SVEP1: variants seen among roughly 807,000 people sequenced by gnomAD.
SVEP1 encodes sushi, von Willebrand factor type A, EGF and pentraxin domain containing 1, also known as sushi, von Willebrand factor type A, EGF and pentraxin domain-containing protein 1.
A neutral mutation model predicts 367.3 loss-of-function variants in SVEP1; 164 were observed. The observed-to-expected ratio is 0.45, with a 90% CI of 0.39 to 0.51. The LOEUF (loss-of-function observed/expected upper bound fraction) is 0.51, where lower values mean the gene tolerates loss of function less well. SVEP1 is among the 20% of genes least tolerant of loss of function. The pLI is 0.00. For synonymous variants in SVEP1, 1,666 were observed against 1,611.6 expected (o/e 1.03, Z -0.81); for missense variants, 4,117 against 4,425.3 (o/e 0.93, Z 1.98).
In SVEP1 at chr9:110,430,407, G is replaced by C; in HGVS notation, c.5397C>G (p.His1799Gln). ...CKAPGNPENG[H>Q]SSGEIYTVGA... ...CTACTGTATAAATCTCACCTGAGGAGTGGCCATTTTCCGGATTTCCTGGAG... is the reference window on the plus strand; with the variant it reads ...CTACTGTATAAATCTCACCTGAGGACTGGCCATTTTCCGGATTTCCTGGAG... The change falls in exon 33 of 48, where the codon CAC (histidine) becomes CAG (glutamine). Residue 1799 changes from histidine (H) to glutamine (Q), a missense_variant. By Grantham distance (24) the His-to-Gln change is conservative. Around this residue, in one of 4 missense-constraint regions of SVEP1, gnomAD observed 2,174 missense variants for 2,494.3 expected, o/e 0.87. Coordinates refer to ENST00000374469, the MANE Select transcript of SVEP1 (RefSeq NM_153366.4). 3 of 1,613,066 alleles carry C rather than the reference G, an allele frequency of 1.9e-6. No homozygotes were observed. Among genetic ancestry groups the C allele is most frequent in the Non-Finnish European group, 2.5e-6 (3 of 1,179,576 alleles).
In SVEP1 at chr9:110,406,232, C is replaced by T. The variant is rs746072603; in HGVS notation, c.9368G>A (p.Gly3123Glu). ...TGCATTGGCGACAGACGGTGGGGAC[C>T]CACAGGACAAGGGCTCACAGACTGG... Reference protein sequence around the residue: ...PYPVCEPLSCGSPPSVANAVA... With the variant: ...PYPVCEPLSCESPPSVANAVA... Residue 3123 changes from glycine to glutamate, a missense_variant, in exon 38 of 48, where the codon GGG (glycine) becomes GAG (glutamate). Around this residue, in one of 4 missense-constraint regions of SVEP1, gnomAD observed 1,765 missense variants for 1,781.1 expected, o/e 0.99. Transcript: ENST00000374469. 4 of 1,612,610 alleles carry T rather than the reference C, an allele frequency of 2.5e-6. No individual in the cohort carries two copies. The highest frequency in any genetic ancestry group is 1.1e-5 in the South Asian group (1 of 90,820).
In SVEP1 at chr9:110,407,210, A is replaced by G; in HGVS notation, c.8390T>C (p.Leu2797Ser). 1 of 1,613,956 alleles carries G rather than the reference A, an allele frequency of 6.2e-7. No individual in the cohort carries two copies. Among genetic ancestry groups the G allele is most frequent in the Non-Finnish European group, 8.5e-7 (1 of 1,179,870 alleles). The change falls in exon 38 of 48, where the codon TTG becomes TCG. Residue 2797 changes from leucine to serine, a missense_variant. Physicochemically the swap from Leu to Ser is moderately radical, Grantham distance 145 (BLOSUM62 -2). Transcript: ENST00000374469. ...KGSNYTYLSTLYYECDPGYVL... is the reference protein window; with the variant it reads ...KGSNYTYLSTSYYECDPGYVL... ...ATATCCGGGGTCACACTCATAGTAC[A>G]ACGTGCTCAGGTATGTGTAGTTGCT...
Position 110,406,928 on chromosome 9 carries a change from C to T in SVEP1, c.8672G>A (p.Cys2891Tyr). Residue 2891 changes from cysteine (C) to tyrosine (Y), a missense_variant, in exon 38 of 48, where the codon TGT becomes TAT. Physicochemically the swap from Cys to Tyr is radical, Grantham distance 194. Coordinates refer to ENST00000374469, the MANE Select transcript of SVEP1 (RefSeq NM_153366.4). ...GATPDCVPVR[C>Y]ATPPQLANGV... ...ATTGGCCAGTTGTGGCGGGGTGGCA[C>T]ATCTGACAGGCACACAGTCGGGAGT... 6.2e-7 allele frequency: 1 copy of T among 1,613,760 alleles called. No individual in the cohort carries two copies. The highest frequency in any genetic ancestry group is 8.5e-7 in the Non-Finnish European group (1 of 1,179,832).
chr9:110,489,510 T>G, intron 9 of SVEP1, 140 bp downstream of exon 9: 2 of 705,726 alleles, frequency 2.8e-6, no homozygotes, highest in East Asian at 6.1e-5. Context: ...TTATTCACTA[T>G]CATGAGGACA....
chr9:110,487,807 CTTTTA>C (rs1829305890), intron 9 of SVEP1, among the ~76,000 whole-genome samples: 1 of 152,108 alleles, frequency 6.6e-6, no homozygotes, highest in Admixed American at 6.6e-5. Flanking sequence ...ACATTCATTA[CTTTTA>C]CTTTTGGATA....
chr9:110,387,245 ACTGAAT>A, intron 42 of SVEP1, 34 bp downstream of exon 42: 1 of 1,534,826 alleles, frequency 6.5e-7, no homozygotes, highest in Admixed American at 2.3e-5. Flanking sequence ...TAATCGTGAA[ACTGAAT>A]CTGATTAAAA....
rs969700357 is a variant in SVEP1, at chr9:110,409,366, G to A, written c.6649-415C>T. The stretch of plus-strand genomic sequence containing the variant: ...GAACCCAGGAGGCAGAGGTTGCAGT[G>A]AGCTGAGATTGTGCCACTGCACTCC... On this transcript the variant is annotated intron_variant, in intron 37 of 47. Coordinates refer to ENST00000374469, the MANE Select transcript of SVEP1 (RefSeq NM_153366.4). 5.9e-5 allele frequency among the ~76,000 whole-genome samples: 9 copies of A among 152,150 alleles called. No individual in the cohort carries two copies. In the South Asian group the frequency reaches 1.0e-3, roughly 18 times the overall value.
At chr9:110,425,944 C>T (rs897573381) in intron 36 of SVEP1, among the ~76,000 whole-genome samples, 1 of 152,116 alleles carries the variant, frequency 6.6e-6, no homozygotes, top group Non-Finnish European at 1.5e-5. Flanking sequence ...GGTGATCATG[C>T]ATTACTTTTT....
rs1830247025 is a variant in SVEP1 at position 110,548,563 on chromosome 9, C to CA, written c.787+1285dup. 2.0e-5 allele frequency among the ~76,000 whole-genome samples: 3 copies of CA among 151,822 alleles called. No individual in the cohort carries two copies. The South Asian group carries it at 6.3e-4, about 32-fold the overall frequency. ...GATATGTAAAAACAAAACAAACAAACAAAAAAACAGAAAACGTCAGCTAGT... is the reference window on the plus strand; with the variant it reads ...GATATGTAAAAACAAAACAAACAAACAAAAAAAACAGAAAACGTCAGCTAGT... On this transcript the variant is annotated intron_variant, in intron 2 of 47. Transcript: ENST00000374469.
chr9:110,528,156 G>GTATATA (rs59360366), intron 3 of SVEP1, among the ~76,000 whole-genome samples: 79 of 33,950 alleles, frequency 2.3e-3, no homozygotes, highest in Middle Eastern at 0.038. Context: ...GTGTGTGTGT[G>GTATATA]TATATATATA....
At chr9:110,544,839 TAC>T (rs1333695657) in intron 3 of SVEP1, among the ~76,000 whole-genome samples, 6 of 146,638 alleles carry the variant, frequency 4.1e-5, no homozygotes, top group African/African-American at 1.5e-4. Context: ...ATAGTCACCC[TAC>T]AGTGTTATGG....
intron 36 of SVEP1, among the ~76,000 whole-genome samples, chr9:110,412,294 G>A (rs1238277946): frequency 6.6e-6 from 1 of 152,134 alleles, no homozygotes; most frequent in Non-Finnish European, 1.5e-5. Flanking sequence ...TCATTGTTAT[G>A]TACTGACACC....
chr9:110,567,361 C>G (rs1276450193), intron 1 of SVEP1, among the ~76,000 whole-genome samples: 1 of 152,134 alleles, frequency 6.6e-6, no homozygotes, highest in Non-Finnish European at 1.5e-5. Flanking sequence ...TTGGTGAATA[C>G]AAATTAACTC....
chr9:110,529,427 A>G (rs1189579336), intron 3 of SVEP1, among the ~76,000 whole-genome samples: 1 of 152,064 alleles, frequency 6.6e-6, no homozygotes, highest in Admixed American at 6.6e-5. Flanking sequence ...TAGGAATTGC[A>G]TTGAATCTGT....
chr9:110,479,516 T>C (rs1829152056), intron 13 of SVEP1, 119 bp downstream of exon 13: 1 of 1,196,920 alleles, frequency 8.4e-7, no homozygotes, highest in Non-Finnish European at 1.1e-6. Flanking sequence ...AAATATTAGG[T>C]ACATGTCTGG....
chr9:110,444,759 T>A (rs1300292135), intron 26 of SVEP1, among the ~76,000 whole-genome samples: 1 of 113,344 alleles, frequency 8.8e-6, no homozygotes, highest in Admixed American at 1.0e-4. Context: ...TATGAAAAAA[T>A]AATATTTTTG....
Position 110,482,547 on chromosome 9 carries a change from G to T in SVEP1, c.2039-55C>A, listed in dbSNP as rs376098607. On this transcript the variant is annotated intron_variant, in intron 10 of 47. Transcript: ENST00000374469. Reference sequence around the variant, plus strand: ...GGGTTGTATTCACAATATTTTTTTTGAAACAGTCTTACTCTGTTGCCCAGG... The same window carrying T: ...GGGTTGTATTCACAATATTTTTTTTTAAACAGTCTTACTCTGTTGCCCAGG... The T allele has an allele frequency of 5.0e-5, 77 of 1,540,154 alleles. No individual in the cohort carries two copies. In the African/African-American group the frequency reaches 8.5e-4, roughly 17 times the overall value.
chr9:110,436,678 T>G (rs978378128), intron 27 of SVEP1, among the ~76,000 whole-genome samples, 174 bp from the exon 28 acceptor site: 2 of 152,246 alleles, frequency 1.3e-5, no homozygotes, highest in East Asian at 3.8e-4. Flanking sequence ...ATTCAATGTT[T>G]TATATAGCAA....
chr9:110,536,745 G>C (rs189310595), intron 3 of SVEP1, among the ~76,000 whole-genome samples: 23 of 151,840 alleles, frequency 1.5e-4, no homozygotes, highest in Non-Finnish European at 8.8e-5. Flanking sequence ...TGTGCATAAC[G>C]TGTAGGTTTG....
Sources: gnomAD v4.1 joint callset for allele counts (sites outside exome capture counted in the v4.1 genomes callset) on GRCh38, gnomAD v4.1.1 for gene constraint, gnomAD v4.1.1 regional missense constraint, MANE v1.5 for transcripts, NCBI Gene and HGNC (gene_info 2026-07-23, HGNC 2026-07-21) for gene names.